Variants in CEP44 observed in about 807,000 individuals in gnomAD.
CEP44 encodes centrosomal protein of 44 kDa.
In CEP44, 45 loss-of-function variants were observed where a neutral mutation model predicts 46.7. The observed-to-expected ratio is 0.96, with a 90% CI of 0.76 to 1.24. The LOEUF is 1.24. Ranked by LOEUF, CEP44 falls within the 50% of genes most tolerant of loss-of-function variation. The probability of loss-of-function intolerance (pLI) is 0.00; values close to 1 mark genes in which losing one functional copy is unlikely to be tolerated. For synonymous variants in CEP44, 142 were observed against 146.0 expected, an observed-to-expected ratio of 0.97 and a Z score of 0.20; for missense variants, 475 against 459.7, an observed-to-expected ratio of 1.03 and a Z score of -0.30.
rs776757132 is a variant in CEP44, at chr4:174,304,334, G to A, written c.472G>A (p.Val158Ile). The A allele has an allele frequency of 1.3e-5, 21 of 1,611,574 alleles. No homozygotes were observed. Among genetic ancestry groups the A allele is most frequent in the African/African-American group, 8.0e-5 (6 of 74,724 alleles). ...NEKISAEAVGVDISGRFMTSG... is the reference protein window; with the variant it reads ...NEKISAEAVGIDISGRFMTSG... ...GAAAATATCTGCAGAGGCTGTTGGC[G>A]TTGATATCAGTGGCAGGTTTATGAC... The change falls in exon 6 of 12, where the codon GTT (valine) becomes ATT (isoleucine). Residue 158 changes from valine to isoleucine, a missense_variant. Transcript: ENST00000503780.
At chr4:174,308,400 C>G (rs1474343421) in intron 6 of CEP44, among the ~76,000 whole-genome samples, 1 of 152,158 alleles carries the variant, frequency 6.6e-6, no homozygotes, top group African/African-American at 2.4e-5. Flanking sequence ...ACCACTTGTT[C>G]TCACTTGTAA....
chr4:174,313,044 A>G (rs923503560), intron 9 of CEP44, among the ~76,000 whole-genome samples: 1 of 152,118 alleles, frequency 6.6e-6, no homozygotes, highest in South Asian at 2.1e-4. Flanking sequence ...GGGTGCTGTC[A>G]GGGAGCAGGA....
At chr4:174,323,659 G>C (rs1198172294), downstream of CEP44, among the ~76,000 whole-genome samples, 1 of 152,142 alleles carries the variant, frequency 6.6e-6, no homozygotes. Flanking sequence ...TGGTGGTAAG[G>C]AAAAGTGAGG....
intron 7 of CEP44, 71 bp downstream of exon 7, chr4:174,308,930 T>A: frequency 7.6e-7 from 1 of 1,312,368 alleles, no homozygotes; most frequent in Non-Finnish European, 1.1e-6. Flanking sequence ...TTTCAGCCTC[T>A]AAACTTTGGA....
rs1037924807 is a variant in CEP44, at chr4:174,314,387, A to T, written c.962-1779A>T. 6.6e-6 allele frequency among the ~76,000 whole-genome samples: 1 copy of T among 152,238 alleles called. No individual in the cohort carries two copies. Among genetic ancestry groups the T allele is most frequent in the Non-Finnish European group, 1.5e-5 (1 of 68,040 alleles). ...GCAATAAGAAAAAATATAGAAATTA[A>T]TGTGCAGTTAACTGATCTGGCTATT... On this transcript the variant is annotated intron_variant, in intron 9 of 11. Coordinates refer to ENST00000503780, the MANE Select transcript of CEP44 (RefSeq NM_001040157.3). The surrounding 1 kb of genome is among the most constrained non-coding windows in gnomAD (Gnocchi z 4.1).
At chr4:174,308,985 G>A in intron 7 of CEP44, 126 bp downstream of exon 7, 3 of 838,496 alleles carry the variant, frequency 3.6e-6, no homozygotes, top group Non-Finnish European at 5.7e-6. Context: ...TTTTATCTAT[G>A]TTACAATTAC....
At position 174,318,352 on chromosome 4, in the gene CEP44, G is replaced by GA; in HGVS notation, c.*972dup. ...AACACTTTTTAAGACCAGTGTAACAGAAAGAGAATGTAGCCATTCTAGCCA... is the reference window on the plus strand; with the variant it reads ...AACACTTTTTAAGACCAGTGTAACAGAAAAGAGAATGTAGCCATTCTAGCCA... On this transcript the variant is annotated 3_prime_UTR_variant, in exon 12 of 12. Coordinates refer to ENST00000503780, the MANE Select transcript of CEP44 (RefSeq NM_001040157.3). The GA allele has an allele frequency of 1.0e-6, 1 of 985,346 alleles. No homozygotes were observed. Among genetic ancestry groups the GA allele is most frequent in the Non-Finnish European group, 1.2e-6 (1 of 829,912 alleles). 61.0% of individuals were successfully genotyped at this position (985,346 alleles called of 1,614,324 possible). A position where few individuals can be genotyped will look rare whatever the true frequency, so the allele number is the denominator to read the frequency against.
At position 174,325,822 on chromosome 4, in the gene CEP44, T is replaced by C. The variant is rs1742627770; in HGVS notation, c.1087-5660T>C. On this transcript the variant is annotated intron_variant, in intron 8 of 8. Coordinates refer to the CEP44 transcript ENST00000426172. The surrounding 1 kb of genome is among the most constrained non-coding windows in gnomAD (Gnocchi z 4.4). The stretch of plus-strand genomic sequence containing the variant: ...TCATGATAAAGAGACTTATTTCTTA[T>C]TATGAGTTGGCCCTCTTTATCTCTG... Among the ~76,000 whole-genome samples the C allele has an allele frequency of 2.0e-5, 3 of 152,224 alleles. No individual in the cohort carries two copies. Among genetic ancestry groups the C allele is most frequent in the African/African-American group, 2.4e-5 (1 of 41,460 alleles).
At chr4:174,293,856 C>T (rs1389103308) in intron 1 of CEP44, among the ~76,000 whole-genome samples, 1 of 152,130 alleles carries the variant, frequency 6.6e-6, no homozygotes, top group Non-Finnish European at 1.5e-5. Context: ...ATAGGACATC[C>T]TCGTGTTATT....
intron 2 of CEP44, 80 bp from the exon 3 acceptor site, chr4:174,298,992 A>G (rs1739396782): frequency 2.9e-6 from 2 of 682,360 alleles, no homozygotes; most frequent in South Asian, 4.1e-5. Flanking sequence ...AAGTGCCAAT[A>G]GGAGATATGA....
chr4:174,284,219 CG>C (rs1737288995), intron 1 of CEP44: 1 of 397,246 alleles, frequency 2.5e-6, no homozygotes, highest in Non-Finnish European at 4.4e-6. Context: ...ACAGAGACCC[CG>C]GGCGGAGACG....
In CEP44 at chr4:174,318,869, G is replaced by C. The variant is rs1243366498; in HGVS notation, c.*1486G>C. The C allele has an allele frequency of 2.6e-6, 1 of 385,382 alleles. No individual in the cohort carries two copies. The highest frequency in any genetic ancestry group is 3.5e-6 in the Non-Finnish European group (1 of 282,920). 23.9% of individuals were successfully genotyped at this position (385,382 alleles called of 1,614,324 possible). A position where few individuals can be genotyped will look rare whatever the true frequency, so the allele number is the denominator to read the frequency against. Reference sequence around the variant, plus strand: ...CTATTGCCCAGGCTGGAGTGCACTGGCGTGATCTCGGCTCACTGCACCTTC... The same window carrying C: ...CTATTGCCCAGGCTGGAGTGCACTGCCGTGATCTCGGCTCACTGCACCTTC... On this transcript the variant is annotated 3_prime_UTR_variant, in exon 12 of 12. Coordinates refer to ENST00000503780, the MANE Select transcript of CEP44 (RefSeq NM_001040157.3).
rs2126705217 is a variant in CEP44 at position 174,329,063 on chromosome 4, C to T, written c.1087-2419C>T. ...CTTGGCTCAAGCAATCCTCCCACAG[C>T]AGCCACGTGAGTAGCCAGAACTACA... On this transcript the variant is annotated intron_variant, in intron 8 of 8. Transcript: ENST00000426172. This position sits in a 1 kb window ranked among gnomAD's most constrained non-coding sequence, Gnocchi z 4.0. Among the ~76,000 whole-genome samples, 1 of 152,244 alleles carries T rather than the reference C, an allele frequency of 6.6e-6. No individual in the cohort carries two copies. The highest frequency in any genetic ancestry group is 1.9e-4 in the East Asian group (1 of 5,174).
chr4:174,305,925 A>G lies in CEP44; in HGVS notation c.507+1556A>G, dbSNP rs558528105. 1.3e-4 allele frequency among the ~76,000 whole-genome samples: 20 copies of G among 152,242 alleles called. No individual in the cohort carries two copies. The East Asian group carries it at 2.5e-3, about 19-fold the overall frequency. ...CTTCAAAACATTAGACTTATTTTTA[A>G]TTTTCTTAAAGCAAAGTTTTCTTTG... On this transcript the variant is annotated intron_variant, in intron 6 of 11. Transcript: ENST00000503780.
intron 8 of CEP44, among the ~76,000 whole-genome samples, chr4:174,330,616 CT>C (rs1560928767): frequency 6.6e-6 from 1 of 151,896 alleles, no homozygotes; most frequent in Non-Finnish European, 1.5e-5. Context: ...ACAAAATATT[CT>C]TTCCTAGAAG....
At position 174,309,656 on chromosome 4, in the gene CEP44, G is replaced by A. The variant is rs1488032223; in HGVS notation, c.679-194G>A. Among the ~76,000 whole-genome samples the A allele has an allele frequency of 6.6e-6, 1 of 151,604 alleles. No individual in the cohort carries two copies. The highest frequency in any genetic ancestry group is 1.9e-4 in the East Asian group (1 of 5,166). On this transcript the variant is annotated intron_variant, in intron 7 of 11. Coordinates refer to ENST00000503780, the MANE Select transcript of CEP44 (RefSeq NM_001040157.3). This position sits in a 1 kb window ranked among gnomAD's most constrained non-coding sequence, Gnocchi z 5.3. ...ATCTCTTTTTTTTTAATGAGGAAAT[G>A]GAGGCATCAAGATCATAAATCTCAG... is the stretch of plus-strand genomic sequence containing the variant.
In CEP44 at chr4:174,308,683, A is replaced by G. The variant is rs1184178944; in HGVS notation, c.508-6A>G. ...AAGTGTTTCTTACATATTTTTCTCTATGCAGAAGAAAGCTGTGGTGATTCG... is the reference window on the plus strand; with the variant it reads ...AAGTGTTTCTTACATATTTTTCTCTGTGCAGAAGAAAGCTGTGGTGATTCG... On this transcript the variant is annotated splice_polypyrimidine_tract_variant and splice_region_variant and intron_variant, in intron 6 of 11. Transcript: ENST00000503780. 9 of 1,593,394 alleles carry G rather than the reference A, an allele frequency of 5.6e-6. No homozygotes were observed. Among genetic ancestry groups the G allele is most frequent in the Middle Eastern group, 3.4e-4 (2 of 5,818 alleles).
rs1386399015 is a variant in CEP44, at chr4:174,288,155, C to T, written c.-148+4212C>T. 1.3e-5 allele frequency among the ~76,000 whole-genome samples: 2 copies of T among 152,142 alleles called. No individual in the cohort carries two copies. The highest frequency in any genetic ancestry group is 4.1e-4 in the South Asian group (2 of 4,824). ...TGATTGACATACAGAAAGCTATAGACATTTAATGTATACAGTTTCTGTTTG... is the reference window on the plus strand; with the variant it reads ...TGATTGACATACAGAAAGCTATAGATATTTAATGTATACAGTTTCTGTTTG... On this transcript the variant is annotated intron_variant, in intron 1 of 11. Transcript: ENST00000503780. This position sits in a 1 kb window ranked among gnomAD's most constrained non-coding sequence, Gnocchi z 4.6.
intron 2 of CEP44, among the ~76,000 whole-genome samples, chr4:174,298,427 G>A (rs535923413): frequency 1.3e-4 from 20 of 151,942 alleles, no homozygotes; most frequent in East Asian, 1.9e-4. Context: ...CGCCCGCCTC[G>A]GCCTCCCAAA....
Sources: allele counts gnomAD v4.1 joint callset (sites outside exome capture counted in the v4.1 genomes callset), GRCh38; gene constraint gnomAD v4.1.1; non-coding constraint Gnocchi (gnomAD v3.1); transcripts MANE v1.5; gene names NCBI Gene and HGNC (gene_info 2026-07-23, HGNC 2026-07-21).